The following SMIM21 variants were observed in gnomAD, a reference collection of about 807,000 sequenced individuals.
SMIM21 encodes the protein small integral membrane protein 21, also known as chromosome 18 open reading frame 62.
SMIM21 carries 8 observed loss-of-function variants against 8.6 expected under a neutral mutation model. That is an observed-to-expected ratio of 0.93 (90% CI 0.55 to 1.68). The LOEUF (loss-of-function observed/expected upper bound fraction) is 1.68, where lower values mean the gene tolerates loss of function less well. Ranked by LOEUF, SMIM21 falls within the 40% of genes most tolerant of loss-of-function variation. SMIM21 has a pLI of 0.00. For synonymous variants in SMIM21, 43 were observed against 41.7 expected, an observed-to-expected ratio of 1.03 and a Z score of -0.12; for missense variants, 132 against 123.0, an observed-to-expected ratio of 1.07 and a Z score of -0.35.
intron 2 of SMIM21, chr18:75,417,399 C>T (rs2024658149): frequency 6.6e-6 from 1 of 152,316 alleles, no homozygotes; most frequent in African/African-American, 2.4e-5. Context: ...GTAAATAATT[C>T]ACTTCGGTGC....
intron 1 of SMIM21, among the ~76,000 whole-genome samples, chr18:75,421,439 G>A (rs2024707479): frequency 6.6e-6 from 1 of 152,052 alleles, no homozygotes; most frequent in South Asian, 2.1e-4. Flanking sequence ...CCCACCGTGA[G>A]ATATGGGTCT....
chr18:75,418,121 A>G, intron 2 of SMIM21: 1 of 398,074 alleles, frequency 2.5e-6, no homozygotes, highest in Non-Finnish European at 4.4e-6. Context: ...TTTTATTTTT[A>G]TTTTTCCGAG....
chr18:75,426,631 T>TAAAAAAAAAAAGAAAAA (rs2024765749), intron 1 of SMIM21, among the ~76,000 whole-genome samples: 1 of 89,262 alleles, frequency 1.1e-5, no homozygotes, highest in Admixed American at 1.4e-4. Flanking sequence ...TTTTAAAATG[T>TAAAAAAAAAAAGAAAAA]AAAAAAAAAA....
intron 1 of SMIM21, among the ~76,000 whole-genome samples, chr18:75,424,094 T>A (rs1283366200): frequency 1.3e-5 from 2 of 152,210 alleles, no homozygotes; most frequent in African/African-American, 4.8e-5. Context: ...AGACCACCCA[T>A]AGTTGTAATC....
intron 2 of SMIM21, chr18:75,418,085 G>C (rs1223978121): frequency 2.5e-6 from 1 of 397,418 alleles, no homozygotes. Flanking sequence ...CTGAAACTTG[G>C]CTGCTCATGT....
rs1350257727 is a variant in SMIM21, at chr18:75,414,078, C to CACACACACACAT, written c.261-3170_261-3169insATGTGTGTGTGT. Among the ~76,000 whole-genome samples, 113 of 74,438 alleles carry CACACACACACAT rather than the reference C, an allele frequency of 1.5e-3. No homozygotes were observed. The South Asian group carries it at 0.015, about 10-fold the overall frequency. The allele number at this position is 74,438 out of a possible 152,430, so 48.8% of individuals were successfully genotyped here. ...TAGGAGTCTCTCTCTCTCTGTCTCA[C>CACACACACACAT]ACACACACACACACACACATACACA... On this transcript the variant is annotated intron_variant, in intron 2 of 2. Coordinates refer to ENST00000579022, the MANE Select transcript of SMIM21 (RefSeq NM_001037331.3).
chr18:75,416,672 TC>T (rs953895601), intron 2 of SMIM21: 1 of 152,210 alleles, frequency 6.6e-6, no homozygotes, highest in Non-Finnish European at 1.5e-5. Context: ...GGGATCTTCA[TC>T]TTACTTTTTC....
chr18:75,418,347 G>C (rs920454310), intron 2 of SMIM21, among the ~76,000 whole-genome samples: 1 of 152,158 alleles, frequency 6.6e-6, no homozygotes, highest in Non-Finnish European at 1.5e-5. Context: ...GAAGGGCTGA[G>C]ATTTCTTGGC....
chr18:75,427,421 A>T lies in SMIM21; in HGVS notation c.129+14T>A. On this transcript the variant is annotated intron_variant, in intron 1 of 2. Transcript: ENST00000579022. ...TCTCTCTCATAACCCAAAGTTAAAG[A>T]CCCATAAACTCACTGTGGTAAGTGC... The T allele has an allele frequency of 6.2e-7, 1 of 1,611,742 alleles. No homozygotes were observed. Among genetic ancestry groups the T allele is most frequent in the South Asian group, 1.1e-5 (1 of 90,516 alleles).
chr18:75,421,335 T>G (rs1435064469), intron 1 of SMIM21, among the ~76,000 whole-genome samples: 1 of 152,082 alleles, frequency 6.6e-6, no homozygotes, highest in Non-Finnish European at 1.5e-5. Context: ...GGGAAACACT[T>G]GATAAAACAA....
Position 75,410,551 on chromosome 18 carries a change from T to C in SMIM21, c.*313A>G, listed in dbSNP as rs1023548048. On this transcript the variant is annotated 3_prime_UTR_variant, in exon 3 of 3. Coordinates refer to ENST00000579022, the MANE Select transcript of SMIM21 (RefSeq NM_001037331.3). ...ATTGAAAATATGACTACAGGCTTGA[T>C]GTCCTAATGAAGAAGTTCTTTGCAC... 1 of 420,596 alleles carries C rather than the reference T, an allele frequency of 2.4e-6. No individual in the cohort carries two copies. The allele number at this position is 420,596 out of a possible 1,614,324, so 26.1% of individuals were successfully genotyped here.
At position 75,410,521 on chromosome 18, in the gene SMIM21, C is replaced by G. The variant is rs542110820; in HGVS notation, c.*343G>C. 3 of 306,408 alleles carry G rather than the reference C, an allele frequency of 9.8e-6. No individual in the cohort carries two copies. The highest frequency in any genetic ancestry group is 1.6e-4 in the South Asian group (2 of 12,270). 19.0% of individuals were successfully genotyped at this position (306,408 alleles called of 1,614,324 possible). ...AGCACTTGCAAGGAAAAAGTTACAGCAGCAATTGAAAATATGACTACAGGC... is the reference window on the plus strand; with the variant it reads ...AGCACTTGCAAGGAAAAAGTTACAGGAGCAATTGAAAATATGACTACAGGC... On this transcript the variant is annotated 3_prime_UTR_variant, in exon 3 of 3. Transcript: ENST00000579022.
At position 75,426,035 on chromosome 18, in the gene SMIM21, C is replaced by A. The variant is rs1039129747; in HGVS notation, c.129+1400G>T. Among the ~76,000 whole-genome samples, 3 of 152,040 alleles carry A rather than the reference C, an allele frequency of 2.0e-5. No individual in the cohort carries two copies. In the East Asian group the frequency reaches 5.8e-4, roughly 29 times the overall value. Reference sequence around the variant, plus strand: ...ATTGCCCACCGAGTGCCTCCTGAGTCATGCACCCCATCACAGCCCTCACGC... The same window carrying A: ...ATTGCCCACCGAGTGCCTCCTGAGTAATGCACCCCATCACAGCCCTCACGC... On this transcript the variant is annotated intron_variant, in intron 1 of 2. Coordinates refer to ENST00000579022, the MANE Select transcript of SMIM21 (RefSeq NM_001037331.3).
intron 1 of SMIM21, among the ~76,000 whole-genome samples, chr18:75,423,343 A>G (rs564469206): frequency 1.1e-4 from 17 of 152,362 alleles, no homozygotes; most frequent in African/African-American, 4.1e-4. Flanking sequence ...CTTTAAGAGT[A>G]AAAAGAGGCT....
chr18:75,418,964 C>T (rs565455040), intron 1 of SMIM21, 48 bp from the exon 2 acceptor site: 72 of 1,277,172 alleles, frequency 5.6e-5, no homozygotes, highest in Non-Finnish European at 7.9e-5. Flanking sequence ...TCTGGCTTTT[C>T]AAGCTTCATG....
Position 75,410,920 on chromosome 18 carries a change from C to A in SMIM21, c.261-11G>T, listed in dbSNP as rs2024576928. On this transcript the variant is annotated splice_polypyrimidine_tract_variant and intron_variant, in intron 2 of 2. Transcript: ENST00000579022. ...TTCAAACGTAGAAAGCTGCAAGAGA[C>A]AAAAGGGGGAAAAAGCATTTTATTT... is the stretch of plus-strand genomic sequence containing the variant. The A allele has an allele frequency of 6.2e-7, 1 of 1,613,478 alleles. No homozygotes were observed. Among genetic ancestry groups the A allele is most frequent in the East Asian group, 2.2e-5 (1 of 44,848 alleles).
At chr18:75,423,726 G>A (rs1395749386) in intron 1 of SMIM21, among the ~76,000 whole-genome samples, 1 of 152,230 alleles carries the variant, frequency 6.6e-6, no homozygotes, top group African/African-American at 2.4e-5. Context: ...GCCCATTTCA[G>A]GAAAGAGCAG....
chr18:75,414,103 A>G (rs1249265550), intron 2 of SMIM21, among the ~76,000 whole-genome samples: 4 of 137,496 alleles, frequency 2.9e-5, no homozygotes, highest in South Asian at 2.5e-4. Flanking sequence ...ACACATACAC[A>G]CACACACACA....
intron 2 of SMIM21, among the ~76,000 whole-genome samples, chr18:75,414,468 A>T (rs1276323406): frequency 6.6e-6 from 1 of 152,148 alleles, no homozygotes; most frequent in Admixed American, 6.5e-5. Context: ...CCCACTCCAC[A>T]TATCAGAGGA....
Sources: gnomAD v4.1 joint callset for allele counts (sites outside exome capture counted in the v4.1 genomes callset) on GRCh38, gnomAD v4.1.1 for gene constraint, MANE v1.5 for transcripts, NCBI Gene and HGNC (gene_info 2026-07-23, HGNC 2026-07-21) for gene names.